The following USH2A variants were observed in gnomAD, a reference collection of about 807,000 sequenced individuals.
The protein encoded by USH2A is usherin.
In USH2A, 443 loss-of-function variants were observed where a neutral mutation model predicts 538.9. That is an observed-to-expected ratio of 0.82 (90% CI 0.76 to 0.89). The LOEUF (loss-of-function observed/expected upper bound fraction) is 0.89, where lower values mean the gene tolerates loss of function less well. USH2A is among the 40% of genes least tolerant of loss of function. The probability of loss-of-function intolerance (pLI) is 0.00; values close to 1 mark genes in which losing one functional copy is unlikely to be tolerated. For synonymous variants in USH2A, 2,413 were observed against 2,273.5 expected (o/e 1.06, Z -1.75); for missense variants, 6,633 against 6,324.8 (o/e 1.05, Z -1.65).
intron 11 of USH2A, among the ~76,000 whole-genome samples, chr1:216,284,002 A>C (rs1395850982): frequency 6.6e-6 from 1 of 152,078 alleles, no homozygotes; most frequent in Non-Finnish European, 1.5e-5. Context: ...TTTTAAGGTT[A>C]TTCTGAACTG....
intron 25 of USH2A, among the ~76,000 whole-genome samples, chr1:216,084,260 T>G (rs1195785303): frequency 2.0e-5 from 3 of 152,108 alleles, no homozygotes. Flanking sequence ...ATGGCCTACT[T>G]AACCCATTAC....
intron 50 of USH2A, among the ~76,000 whole-genome samples, chr1:215,793,809 A>C (rs929770306): frequency 1.3e-5 from 2 of 152,300 alleles, no homozygotes; most frequent in Non-Finnish European, 2.9e-5. Flanking sequence ...GCATGGACAA[A>C]GTTTATAATA....
rs397518029 is a variant in USH2A at position 215,934,672 on chromosome 1, G to C, written c.7244C>G (p.Ser2415Ter). The C allele has an allele frequency of 5.0e-6, 8 of 1,612,756 alleles. No individual in the cohort carries two copies. The highest frequency in any genetic ancestry group is 6.8e-6 in the Non-Finnish European group (8 of 1,179,086). ...AGTTATCAAGCTGCCTTGGCTATTT[G>C]AAATATTCACTTGTACAGTATAGTT... ...FTNYTVQVNI[S>*]NSQGSLITDP... Residue 2415 changes from serine to a stop codon, truncating the protein, a stop_gained, in exon 38 of 72, where the codon TCA becomes TGA. Coordinates refer to ENST00000307340, the MANE Select transcript of USH2A (RefSeq NM_206933.4). LOFTEE classifies it high-confidence loss of function.
chr1:215,696,141 T>C (rs1658800668), intron 61 of USH2A, among the ~76,000 whole-genome samples: 1 of 152,156 alleles, frequency 6.6e-6, no homozygotes, highest in Non-Finnish European at 1.5e-5. Context: ...AACAAACACA[T>C]ATTTTGTTTG....
Position 215,640,859 on chromosome 1 carries a change from A to AAG in USH2A, c.14792-126_14792-125insCT, listed in dbSNP as rs913256391. The AAG allele has an allele frequency of 1.3e-5, 14 of 1,073,466 alleles. No homozygotes were observed. In the African/African-American group the frequency reaches 2.3e-4, roughly 17 times the overall value. 66.5% of individuals were successfully genotyped at this position (1,073,466 alleles called of 1,614,324 possible). A position where few individuals can be genotyped will look rare whatever the true frequency, so the allele number is the denominator to read the frequency against. ...CCAATCCAAACAAAAAAAAAAAAAA[A>AAG]AAAGAAAACCAACATTGCTAGAATC... On this transcript the variant is annotated intron_variant, in intron 67 of 71. Coordinates refer to ENST00000307340, the MANE Select transcript of USH2A (RefSeq NM_206933.4).
chr1:215,802,958 A>T (rs1438045331), intron 49 of USH2A, among the ~76,000 whole-genome samples: 2 of 152,060 alleles, frequency 1.3e-5, no homozygotes, highest in Non-Finnish European at 2.9e-5. Flanking sequence ...CCTGACACGT[A>T]CGACAACATG....
intron 67 of USH2A, among the ~76,000 whole-genome samples, chr1:215,644,708 A>T (rs796119208): frequency 7.2e-5 from 11 of 152,196 alleles, no homozygotes; most frequent in African/African-American, 2.7e-4. Flanking sequence ...CCTTCTGGAT[A>T]TATCAGTATG....
At chr1:215,626,216 GTA>G (rs60588499) in intron 71 of USH2A, among the ~76,000 whole-genome samples, 1 of 148,734 alleles carries the variant, frequency 6.7e-6, no homozygotes. Context: ...TTAGCTGGGG[GTA>G]TATATATATA....
chr1:215,951,149 G>T (rs1666903028), intron 37 of USH2A, among the ~76,000 whole-genome samples: 1 of 152,042 alleles, frequency 6.6e-6, no homozygotes, highest in Non-Finnish European at 1.5e-5. Flanking sequence ...TGATGTTAGG[G>T]TGTCAATTTT....
rs12096609 is a variant in USH2A, at chr1:216,098,010, G to A, written c.4628-797C>T. 6.6e-5 allele frequency among the ~76,000 whole-genome samples: 6 copies of A among 90,434 alleles called. 1 individual carries two copies. Among genetic ancestry groups the A allele is most frequent in the African/African-American group, 2.0e-4 (4 of 20,422 alleles). 59.3% of individuals were successfully genotyped at this position (90,434 alleles called of 152,430 possible). A position where few individuals can be genotyped will look rare whatever the true frequency, so the allele number is the denominator to read the frequency against. On this transcript the variant is annotated intron_variant, in intron 21 of 71. Transcript: ENST00000307340. ...CTCCAGCCCTATGAATGATGCCTTC[G>A]CCCTACCATTACATGGCCCCATCTC...
intron 44 of USH2A, among the ~76,000 whole-genome samples, chr1:215,863,338 A>C (rs1281275097): frequency 6.6e-6 from 1 of 152,200 alleles, no homozygotes; most frequent in Non-Finnish European, 1.5e-5. Flanking sequence ...AAAGTGATGG[A>C]AAAGAGAACA....
At chr1:216,068,349 A>T (rs944133243) in intron 30 of USH2A, among the ~76,000 whole-genome samples, 2 of 152,070 alleles carry the variant, frequency 1.3e-5, no homozygotes, top group African/African-American at 4.8e-5. Flanking sequence ...TAACAATGGG[A>T]GATAAAAGAG....
intron 21 of USH2A, among the ~76,000 whole-genome samples, chr1:216,173,470 C>T (rs554013089): frequency 2.8e-4 from 42 of 152,238 alleles, no homozygotes; most frequent in African/African-American, 9.4e-4. Flanking sequence ...GATCTCCCTG[C>T]CTTGTCCTTC....
At chr1:216,090,878 G>A (rs115725019) in intron 22 of USH2A, among the ~76,000 whole-genome samples, 3,140 of 152,240 alleles carry the variant, frequency 0.021, 50 homozygotes, top group Middle Eastern at 0.048. Context: ...ATTAAATGCT[G>A]TCTCATCAAA....
intron 37 of USH2A, among the ~76,000 whole-genome samples, chr1:215,961,230 A>G (rs1478905583): frequency 6.6e-6 from 1 of 152,034 alleles, no homozygotes; most frequent in Non-Finnish European, 1.5e-5. Context: ...TATTGAAAGT[A>G]GCTCTTTTCA....
intron 21 of USH2A, among the ~76,000 whole-genome samples, chr1:216,102,374 A>G (rs1034032413): frequency 2.0e-5 from 3 of 149,382 alleles, no homozygotes; most frequent in African/African-American, 7.3e-5. Flanking sequence ...ATATATTTTT[A>G]TATATAATAT....
In USH2A at chr1:215,728,280, T is replaced by C; in HGVS notation, c.11816A>G (p.Glu3939Gly). The change falls in exon 61 of 72, where the codon GAA becomes GGA. Residue 3939 changes from glutamate (E) to glycine (G), a missense_variant. Physicochemically the swap from Glu to Gly is moderately conservative, Grantham distance 98. Transcript: ENST00000307340. ...GDTLRPFTLYEYRVRACNSKG... is the reference protein window; with the variant it reads ...GDTLRPFTLYGYRVRACNSKG... ...GGAGTTACAGGCTCTGACCCGATATTCGTAGAGTGTGAAAGGCCTCAGGGT... is the reference window on the plus strand; with the variant it reads ...GGAGTTACAGGCTCTGACCCGATATCCGTAGAGTGTGAAAGGCCTCAGGGT... The C allele has an allele frequency of 6.2e-7, 1 of 1,614,140 alleles. No homozygotes were observed. Among genetic ancestry groups the C allele is most frequent in the Non-Finnish European group, 8.5e-7 (1 of 1,180,022 alleles).
At chr1:216,037,662 A>T (rs961654105) in intron 32 of USH2A, among the ~76,000 whole-genome samples, 2 of 152,076 alleles carry the variant, frequency 1.3e-5, no homozygotes, top group African/African-American at 4.8e-5. Context: ...GCACCCACTA[A>T]GTAGAAAGTT....
intron 30 of USH2A, among the ~76,000 whole-genome samples, chr1:216,056,967 G>C (rs1375619928): frequency 6.6e-6 from 1 of 152,164 alleles, no homozygotes; most frequent in Non-Finnish European, 1.5e-5. Context: ...TGATAACCTT[G>C]AAGTATTTGT....
Sources: gnomAD v4.1 joint callset for allele counts (sites outside exome capture counted in the v4.1 genomes callset) on GRCh38, gnomAD v4.1.1 for gene constraint, MANE v1.5 for transcripts, NCBI Gene and HGNC (gene_info 2026-07-23, HGNC 2026-07-21) for gene names.